Variants in CACNA1D observed in about 807,000 individuals in gnomAD.
The protein encoded by CACNA1D is voltage-dependent L-type calcium channel subunit alpha-1D.
In CACNA1D, 55 loss-of-function variants were observed where a neutral mutation model predicts 257.1. The observed-to-expected ratio is 0.21, with a 90% CI of 0.17 to 0.27. The LOEUF is 0.27. CACNA1D is among the 10% of genes least tolerant of loss of function. CACNA1D has a pLI of 1.00. For synonymous variants in CACNA1D, 980 were observed against 1,014.9 expected (o/e 0.97, Z 0.65); for missense variants, 1,876 against 2,784.0 (o/e 0.67, Z 7.34).
intron 5 of CACNA1D, among the ~76,000 whole-genome samples, chr3:53,662,341 G>C (rs1203923626): frequency 6.6e-6 from 1 of 152,168 alleles, no homozygotes; most frequent in African/African-American, 2.4e-5. Context: ...CCACCCTGGA[G>C]ACCAGGCCTT....
chr3:53,651,366 C>CATTTTTTT (rs1553623470), intron 4 of CACNA1D, among the ~76,000 whole-genome samples: 1 of 81,836 alleles, frequency 1.2e-5, no homozygotes, highest in Non-Finnish European at 2.3e-5. Context: ...TATTAATTTT[C>CATTTTTTT]TTTTTTTTTT....
In CACNA1D at chr3:53,802,167, A is replaced by G. The variant is rs76337876; in HGVS notation, c.5429A>G (p.Tyr1810Cys). ...SVKRTRYYET[Y>C]IRSDSGDEQL... is the part of the protein sequence containing the mutation. ...GATAGAACCCGCTATTATGAAACTT[A>G]CATTAGGTATGTGCTCATTACCTGT... Residue 1810 changes from tyrosine (Y) to cysteine (C), a missense_variant, in exon 43 of 48, where the codon TAC (tyrosine) becomes TGC (cysteine). By Grantham distance (194) the Tyr-to-Cys change is radical. Around this residue, in one of 10 missense-constraint regions of CACNA1D, gnomAD observed 491 missense variants for 554.3 expected, o/e 0.89. Coordinates refer to ENST00000350061, the MANE Select transcript of CACNA1D (RefSeq NM_001128840.3). 2 of 1,608,000 alleles carry G rather than the reference A, an allele frequency of 1.2e-6. No individual in the cohort carries two copies. The highest frequency in any genetic ancestry group is 1.3e-5 in the African/African-American group (1 of 74,940).
chr3:53,802,103 T>A lies in CACNA1D; in HGVS notation c.5409-44T>A, dbSNP rs763073165. On this transcript the variant is annotated intron_variant, in intron 42 of 47. Coordinates refer to ENST00000350061, the MANE Select transcript of CACNA1D (RefSeq NM_001128840.3). ...ATTGTAAATTTGGTTGGAAATTAAC[T>A]TTTATCTTCTCCCTCCTTCCCATGT... 5.2e-6 allele frequency: 8 copies of A among 1,548,010 alleles called. No homozygotes were observed. The East Asian group carries it at 1.3e-4, about 26-fold the overall frequency.
chr3:53,577,561 G>A (rs1046129591), intron 3 of CACNA1D, among the ~76,000 whole-genome samples: 16 of 152,172 alleles, frequency 1.1e-4, no homozygotes, highest in Admixed American at 2.0e-4. Flanking sequence ...GGCCAAGGGA[G>A]GAGAGTTTTC....
Position 53,774,979 on chromosome 3 carries a change from A to G in CACNA1D, c.4202+301A>G, listed in dbSNP as rs76575992. Among the ~76,000 whole-genome samples the G allele has an allele frequency of 0.022, 3,302 of 152,302 alleles. 66 individuals carry two copies. The highest frequency in any genetic ancestry group is 0.085 in the Middle Eastern group (25 of 294). ...AAAATTGTAGGATGTACGTTTATGC[A>G]TGGAGGCATGCACTTGAACACGACC... On this transcript the variant is annotated intron_variant, in intron 34 of 47. Transcript: ENST00000350061. The surrounding 1 kb of genome is among the most constrained non-coding windows in gnomAD (Gnocchi z 4.3).
Position 53,812,561 on chromosome 3 carries a change from T to TTTTG in CACNA1D, c.*1164_*1167dup, listed in dbSNP as rs75548468. On this transcript the variant is annotated 3_prime_UTR_variant, in exon 48 of 48. Coordinates refer to ENST00000350061, the MANE Select transcript of CACNA1D (RefSeq NM_001128840.3). ...CACCATGGGTTGCAACTGTCTTTGG[T>TTTTG]TTTGTTTGTTTGACTTGAACCACCC... The TTTTG allele has an allele frequency of 2.0e-5, 3 of 149,476 alleles. No homozygotes were observed. The highest frequency in any genetic ancestry group is 4.5e-5 in the Non-Finnish European group (3 of 67,342). 9.3% of individuals were successfully genotyped at this position (149,476 alleles called of 1,614,324 possible). A position where few individuals can be genotyped will look rare whatever the true frequency, so the allele number is the denominator to read the frequency against.
At chr3:53,719,854 T>A in intron 11 of CACNA1D, 73 bp downstream of exon 11, 1 of 1,337,888 alleles carries the variant, frequency 7.5e-7, no homozygotes, top group Non-Finnish European at 1.1e-6. Context: ...GAATTTTACG[T>A]AGTATTGCTC....
rs550814888 is a variant in CACNA1D at position 53,666,552 on chromosome 3, G to A, written c.1116+17G>A. On this transcript the variant is annotated intron_variant, in intron 7 of 47. Transcript: ENST00000350061. ...CTCTACTGGGTAAGTACCCTGGGGA[G>A]AGAGTTTATGGAGTGTTCTTTGCTT... 6.3e-7 allele frequency: 1 copy of A among 1,596,744 alleles called. No homozygotes were observed. The highest frequency in any genetic ancestry group is 1.3e-5 in the African/African-American group (1 of 74,620).
chr3:53,726,736 TG>T, intron 14 of CACNA1D, 142 bp from the exon 15 acceptor site: 1 of 895,704 alleles, frequency 1.1e-6, no homozygotes, highest in Non-Finnish European at 1.8e-6. Context: ...AGAAATTCCA[TG>T]GGATAACAGA....
At chr3:53,685,099 C>T (rs2094463395) in intron 8 of CACNA1D, among the ~76,000 whole-genome samples, 1 of 152,000 alleles carries the variant, frequency 6.6e-6, no homozygotes, top group Admixed American at 6.6e-5. Flanking sequence ...TAGAAATTGT[C>T]AGACTAAATA....
intron 3 of CACNA1D, among the ~76,000 whole-genome samples, chr3:53,538,279 C>T (rs1035561880): frequency 7.3e-5 from 11 of 151,130 alleles, no homozygotes; most frequent in African/African-American, 2.4e-4. Context: ...TACTGAGTAC[C>T]TGGGACTACA....
At chr3:53,755,711 G>C (rs1054178685) in intron 29 of CACNA1D, among the ~76,000 whole-genome samples, 2 of 152,070 alleles carry the variant, frequency 1.3e-5, no homozygotes, top group Non-Finnish European at 2.9e-5. Flanking sequence ...CGTTCCCCCC[G>C]GCCAGGGGAG....
At chr3:53,655,597 C>G (rs1332707252) in intron 4 of CACNA1D, among the ~76,000 whole-genome samples, 1 of 152,172 alleles carries the variant, frequency 6.6e-6, no homozygotes, top group Non-Finnish European at 1.5e-5. Flanking sequence ...TGCTTCTTGA[C>G]CACATGTATG....
chr3:53,526,153 G>A (rs909554520), intron 3 of CACNA1D, among the ~76,000 whole-genome samples: 1 of 152,192 alleles, frequency 6.6e-6, no homozygotes, highest in Non-Finnish European at 1.5e-5. Flanking sequence ...GCGCACATCC[G>A]GAACCAGTTG....
At position 53,641,299 on chromosome 3, in the gene CACNA1D, C is replaced by T. The variant is rs79666595; in HGVS notation, c.484-9480C>T. On this transcript the variant is annotated intron_variant, in intron 3 of 47. Coordinates refer to ENST00000350061, the MANE Select transcript of CACNA1D (RefSeq NM_001128840.3). ...TCTCAAGAAGCCTTCCCAGATGCTCCGGACACGATTAGCTGCTCCATCCTC... is the reference window on the plus strand; with the variant it reads ...TCTCAAGAAGCCTTCCCAGATGCTCTGGACACGATTAGCTGCTCCATCCTC... 9.5e-3 allele frequency among the ~76,000 whole-genome samples: 1,442 copies of T among 152,234 alleles called. 26 individuals are homozygous for T. The highest frequency in any genetic ancestry group is 0.032 in the African/African-American group (1,339 of 41,516).
chr3:53,682,427 T>G lies in CACNA1D; in HGVS notation c.1220+9301T>G, dbSNP rs115754301. On this transcript the variant is annotated intron_variant, in intron 8 of 47. Coordinates refer to ENST00000350061, the MANE Select transcript of CACNA1D (RefSeq NM_001128840.3). ...GTCTTTTTAGCTGGGCAATGTGGTGTGTGCCTATAGTCCCAGCTACTCAGG... is the reference window on the plus strand; with the variant it reads ...GTCTTTTTAGCTGGGCAATGTGGTGGGTGCCTATAGTCCCAGCTACTCAGG... 5.2e-3 allele frequency among the ~76,000 whole-genome samples: 727 copies of G among 139,528 alleles called. 5 individuals are homozygous for G. The highest frequency in any genetic ancestry group is 0.019 in the African/African-American group (690 of 36,484). 91.5% of individuals were successfully genotyped at this position (139,528 alleles called of 152,430 possible).
intron 40 of CACNA1D, among the ~76,000 whole-genome samples, chr3:53,787,651 G>A (rs989059325): frequency 1.1e-4 from 16 of 152,100 alleles, no homozygotes; most frequent in Non-Finnish European, 1.6e-4. Flanking sequence ...CCTTGCATGC[G>A]AGGAATGTAG....
chr3:53,738,056 C>T (rs373932422), intron 20 of CACNA1D, among the ~76,000 whole-genome samples: 21 of 152,312 alleles, frequency 1.4e-4, no homozygotes, highest in South Asian at 8.3e-4. Context: ...TAGATATTAT[C>T]GTGCAGTTTC....
At chr3:53,599,443 T>A (rs976100122) in intron 3 of CACNA1D, among the ~76,000 whole-genome samples, 2 of 152,156 alleles carry the variant, frequency 1.3e-5, no homozygotes, top group South Asian at 2.1e-4. Flanking sequence ...GTTATTTGCT[T>A]TGCTTTTGCT....
Sources: gnomAD v4.1 joint callset for allele counts (sites outside exome capture counted in the v4.1 genomes callset) on GRCh38, gnomAD v4.1.1 for gene constraint, gnomAD v4.1.1 regional missense constraint, Gnocchi (gnomAD v3.1) non-coding constraint, MANE v1.5 for transcripts, NCBI Gene and HGNC (gene_info 2026-07-23, HGNC 2026-07-21) for gene names.